The following KCNAB1 variants were observed in gnomAD, a reference collection of about 807,000 sequenced individuals.
The protein encoded by KCNAB1 is voltage-gated potassium channel subunit beta-1.
Under a neutral mutation model 64.6 loss-of-function variants are expected in KCNAB1, and 35 were observed. That is an observed-to-expected ratio of 0.54 (90% CI 0.41 to 0.72). The LOEUF (loss-of-function observed/expected upper bound fraction) is 0.72, where lower values mean the gene tolerates loss of function less well. Ranked by LOEUF, KCNAB1 falls within the 30% of genes least tolerant of loss-of-function variation. The probability of loss-of-function intolerance (pLI) is 0.00; values close to 1 mark genes in which losing one functional copy is unlikely to be tolerated. For synonymous variants in KCNAB1, 177 were observed against 183.8 expected, an observed-to-expected ratio of 0.96 and a Z score of 0.30; for missense variants, 401 against 512.9, an observed-to-expected ratio of 0.78 and a Z score of 2.11.
At chr3:156,267,745 T>C (rs1423763348) in intron 1 of KCNAB1, among the ~76,000 whole-genome samples, 1 of 152,152 alleles carries the variant, frequency 6.6e-6, no homozygotes, top group Non-Finnish European at 1.5e-5. Context: ...TCTTTGCTTT[T>C]TAATTTTTTT....
chr3:156,143,271 C>A, intron 1 of KCNAB1: 2 of 1,613,952 alleles, frequency 1.2e-6, no homozygotes, highest in Non-Finnish European at 1.7e-6. Context: ...GTAGATGGCA[C>A]CTAGCAGTGA....
intron 2 of KCNAB1, among the ~76,000 whole-genome samples, chr3:156,428,609 G>A (rs1715999881): frequency 1.3e-5 from 2 of 151,694 alleles, no homozygotes; most frequent in Non-Finnish European, 2.9e-5. Flanking sequence ...TCATGCAAGT[G>A]TATGTGGCCA....
At chr3:156,459,968 C>CA (rs1035773359) in intron 5 of KCNAB1, 97 bp downstream of exon 5, 49 of 769,536 alleles carry the variant, frequency 6.4e-5, no homozygotes, top group Non-Finnish European at 8.8e-5. Flanking sequence ...AAAAGGCTGT[C>CA]AAAAAAAATC....
At chr3:156,237,811 G>A (rs974459195) in intron 1 of KCNAB1, among the ~76,000 whole-genome samples, 11 of 151,910 alleles carry the variant, frequency 7.2e-5, no homozygotes, top group African/African-American at 2.2e-4. Context: ...TTTTACCTCC[G>A]ATGTGACTTT....
chr3:156,362,056 G>C (rs531783332), intron 1 of KCNAB1, among the ~76,000 whole-genome samples: 1 of 152,268 alleles, frequency 6.6e-6, no homozygotes, highest in African/African-American at 2.4e-5. Flanking sequence ...AAAAAAACTA[G>C]ACAAGAATAC....
intron 1 of KCNAB1, chr3:156,143,154 CT>C: frequency 6.4e-7 from 1 of 1,562,580 alleles, no homozygotes; most frequent in Non-Finnish European, 8.7e-7. Flanking sequence ...GTGCAATTAG[CT>C]TTGCTTCCTT....
intron 1 of KCNAB1, among the ~76,000 whole-genome samples, chr3:156,343,009 C>T (rs1324625712): frequency 6.6e-6 from 1 of 152,158 alleles, no homozygotes; most frequent in Non-Finnish European, 1.5e-5. Context: ...TCATAGGTAA[C>T]ATAATATGAA....
At chr3:156,172,532 G>A (rs1322000350) in intron 1 of KCNAB1, among the ~76,000 whole-genome samples, 2 of 152,040 alleles carry the variant, frequency 1.3e-5, no homozygotes, top group African/African-American at 2.4e-5. Context: ...CACCCTCCTC[G>A]GCCTTCCAAA....
At chr3:156,525,517 T>G (rs978527071) in intron 12 of KCNAB1, among the ~76,000 whole-genome samples, 4 of 152,246 alleles carry the variant, frequency 2.6e-5, no homozygotes, top group Non-Finnish European at 5.9e-5. Context: ...TTTTTTTGTT[T>G]GTTTGTTTTT....
chr3:156,532,333 C>T (rs189634367), intron 13 of KCNAB1, among the ~76,000 whole-genome samples: 139 of 152,248 alleles, frequency 9.1e-4, no homozygotes, highest in Non-Finnish European at 1.3e-3. Flanking sequence ...CACCTCCTTT[C>T]CCCAAAGGCC....
At chr3:156,518,363 C>G (rs1410863758) in intron 11 of KCNAB1, among the ~76,000 whole-genome samples, 1 of 151,936 alleles carries the variant, frequency 6.6e-6, no homozygotes, top group African/African-American at 2.4e-5. Flanking sequence ...TTATGAAAGC[C>G]ACTTGAGTAT....
chr3:156,480,956 TA>T (rs1488973156), intron 8 of KCNAB1, among the ~76,000 whole-genome samples: 1 of 152,166 alleles, frequency 6.6e-6, no homozygotes, highest in Non-Finnish European at 1.5e-5. Context: ...GCTCCAAAGT[TA>T]AATAGCTCCA....
chr3:156,228,271 G>A, intron 1 of KCNAB1, among the ~76,000 whole-genome samples: 1 of 152,038 alleles, frequency 6.6e-6, no homozygotes. Flanking sequence ...AGCAAGTGCT[G>A]GTTAGGAGGT....
rs1719080753 is a variant in KCNAB1, at chr3:156,536,693, G to C, written c.1206G>C (p.Glu402Asp). Residue 402 changes from glutamate (E) to aspartate (D), a missense_variant, in exon 14 of 14, where the codon GAG becomes GAC. Transcript: ENST00000490337. Reference protein sequence around the residue: ...LPKMTSHVVNEIDNILRNKPY... With the variant: ...LPKMTSHVVNDIDNILRNKPY... ...AGATGACATCACATGTGGTAAATGAGATTGATAACATACTGCGCAACAAGC... is the reference window on the plus strand; with the variant it reads ...AGATGACATCACATGTGGTAAATGACATTGATAACATACTGCGCAACAAGC... The C allele has an allele frequency of 2.5e-6, 4 of 1,613,364 alleles. No homozygotes were observed. In the African/African-American group the frequency reaches 4.0e-5, roughly 16 times the overall value.
intron 1 of KCNAB1, among the ~76,000 whole-genome samples, chr3:156,349,245 A>G (rs183821858): frequency 6.6e-6 from 1 of 152,298 alleles, no homozygotes; most frequent in East Asian, 1.9e-4. Context: ...AAGTAGAGAA[A>G]TCTGGAGACA....
intron 11 of KCNAB1, among the ~76,000 whole-genome samples, chr3:156,517,015 T>G (rs987100952): frequency 1.3e-5 from 2 of 152,192 alleles, no homozygotes; most frequent in African/African-American, 2.4e-5. Flanking sequence ...CTCAAAAATC[T>G]CTCCTTATTA....
At chr3:156,207,827 A>G (rs539583743) in intron 1 of KCNAB1, among the ~76,000 whole-genome samples, 4 of 152,326 alleles carry the variant, frequency 2.6e-5, no homozygotes, top group Admixed American at 2.6e-4. Flanking sequence ...TGACAACCAG[A>G]ACTATTTCTG....
At chr3:156,143,569 G>GGTTTTTTTTT (rs1714840955) in intron 1 of KCNAB1, 2 of 297,040 alleles carry the variant, frequency 6.7e-6, no homozygotes, top group African/African-American at 2.9e-5. Context: ...TTGCATTCTT[G>GGTTTTTTTTT]TTTTTTTTTT....
chr3:156,492,554 G>A (rs1036721067), intron 8 of KCNAB1, among the ~76,000 whole-genome samples: 3 of 152,022 alleles, frequency 2.0e-5, no homozygotes, highest in Non-Finnish European at 4.4e-5. Context: ...GAGATGTTAG[G>A]GAAGAAATTC....
Sources: allele counts gnomAD v4.1 joint callset (sites outside exome capture counted in the v4.1 genomes callset), GRCh38; gene constraint gnomAD v4.1.1; transcripts MANE v1.5; gene names NCBI Gene and HGNC (gene_info 2026-07-23, HGNC 2026-07-21).